TBC1D4: variants seen among roughly 807,000 people sequenced by gnomAD.
The protein encoded by TBC1D4 is TBC1 domain family member 4, also known as TBC (Tre-2, BUB2, CDC16) domain-containing protein.
Under a neutral mutation model 142.5 loss-of-function variants are expected in TBC1D4, and 121 were observed. That is an observed-to-expected ratio of 0.85 (90% CI 0.73 to 0.99). The LOEUF is 0.99. Among genes scored for constraint, TBC1D4 ranks in the 50% least tolerant of loss-of-function variants. TBC1D4 has a pLI of 0.00. For missense variants in TBC1D4, 1,475 were observed against 1,606.6 expected, an observed-to-expected ratio of 0.92 and a Z score of 1.40; for synonymous variants, 630 against 628.2, an observed-to-expected ratio of 1.00 and a Z score of -0.04.
At chr13:75,319,544 A>G (rs576832870) in intron 12 of TBC1D4, among the ~76,000 whole-genome samples, 4 of 152,244 alleles carry the variant, frequency 2.6e-5, no homozygotes, top group Admixed American at 6.5e-5. Flanking sequence ...AAAGTGACCA[A>G]CGTGACAGGA....
Position 75,482,152 on chromosome 13 carries a change from T to G in TBC1D4, c.-385A>C. 1 of 168,622 alleles carries G rather than the reference T, an allele frequency of 5.9e-6. No individual in the cohort carries two copies. The highest frequency in any genetic ancestry group is 1.2e-5 in the Non-Finnish European group (1 of 80,322). The allele number at this position is 168,622 out of a possible 1,614,324, so 10.4% of individuals were successfully genotyped here. A position where few individuals can be genotyped will look rare whatever the true frequency, so the allele number is the denominator to read the frequency against. ...TGCAGCCCCGCTGCGGCCGCCGCGC[T>G]CGCCTGGGGCAGACACTGGGTGGCT... On this transcript the variant is annotated 5_prime_UTR_variant, in exon 1 of 21. Transcript: ENST00000377636.
rs969900016 is a variant in TBC1D4, at chr13:75,324,119, C to T, written c.2198+118G>A. 2.5e-6 allele frequency: 3 copies of T among 1,189,676 alleles called. No individual in the cohort carries two copies. The South Asian group carries it at 3.9e-5, about 15-fold the overall frequency. 73.7% of individuals were successfully genotyped at this position (1,189,676 alleles called of 1,614,324 possible). A position where few individuals can be genotyped will look rare whatever the true frequency, so the allele number is the denominator to read the frequency against. On this transcript the variant is annotated intron_variant, in intron 11 of 20. Coordinates refer to ENST00000377636, the MANE Select transcript of TBC1D4 (RefSeq NM_014832.5). ...CCAATATATTAGAAACAGATTAGAACAAGCACAACACAGGGATGCATAAAT... is the reference window on the plus strand; with the variant it reads ...CCAATATATTAGAAACAGATTAGAATAAGCACAACACAGGGATGCATAAAT...
chr13:75,390,146 G>C (rs563053317), intron 1 of TBC1D4, among the ~76,000 whole-genome samples: 2 of 151,854 alleles, frequency 1.3e-5, no homozygotes, highest in Admixed American at 1.3e-4. Context: ...TGGGCCTGGC[G>C]GCGGGCGCCT....
At chr13:75,461,978 A>G (rs947519787) in intron 1 of TBC1D4, among the ~76,000 whole-genome samples, 3 of 152,184 alleles carry the variant, frequency 2.0e-5, no homozygotes, top group Non-Finnish European at 4.4e-5. Flanking sequence ...TCTTATTCCC[A>G]GTTGTCAACC....
At chr13:75,426,446 T>C (rs1348938488) in intron 1 of TBC1D4, among the ~76,000 whole-genome samples, 1 of 152,244 alleles carries the variant, frequency 6.6e-6, no homozygotes, top group Admixed American at 6.5e-5. Flanking sequence ...TCAACCCTAT[T>C]TGTTATTGGC....
intron 1 of TBC1D4, among the ~76,000 whole-genome samples, chr13:75,366,082 T>C (rs1466517987): frequency 6.6e-6 from 1 of 152,198 alleles, no homozygotes; most frequent in Non-Finnish European, 1.5e-5. Context: ...CCTAGCTACA[T>C]ATTGTAGCTA....
At chr13:75,399,183 A>G (rs1404675198) in intron 1 of TBC1D4, among the ~76,000 whole-genome samples, 1 of 152,000 alleles carries the variant, frequency 6.6e-6, no homozygotes, top group African/African-American at 2.4e-5. Flanking sequence ...AGGCCTCCAA[A>G]CCCCCAAACT....
chr13:75,399,098 T>C (rs532079623), intron 1 of TBC1D4, among the ~76,000 whole-genome samples: 312 of 152,220 alleles, frequency 2.0e-3, no homozygotes, highest in African/African-American at 7.3e-3. Context: ...TCCCAGCACT[T>C]TGGGAGGCCG....
At chr13:75,341,100 G>T in intron 7 of TBC1D4, 25 bp downstream of exon 7, 1 of 1,572,352 alleles carries the variant, frequency 6.4e-7, no homozygotes, top group African/African-American at 1.4e-5. Context: ...AACAAAAGTA[G>T]GTGAAGTAGG....
chr13:75,402,884 G>A (rs1885167990), intron 1 of TBC1D4, among the ~76,000 whole-genome samples: 1 of 152,092 alleles, frequency 6.6e-6, no homozygotes, highest in Non-Finnish European at 1.5e-5. Context: ...AGCTCACAAG[G>A]AGATTAAGTT....
chr13:75,468,735 T>C (rs2138314420), intron 1 of TBC1D4, among the ~76,000 whole-genome samples: 1 of 152,286 alleles, frequency 6.6e-6, no homozygotes, highest in East Asian at 1.9e-4. Context: ...AAAACAAACA[T>C]ACATCTTTGC....
At chr13:75,379,780 T>A (rs1220178918) in intron 1 of TBC1D4, among the ~76,000 whole-genome samples, 2 of 151,808 alleles carry the variant, frequency 1.3e-5, no homozygotes, top group Non-Finnish European at 2.9e-5. Context: ...AAACTCCCAG[T>A]TTTAGTTGAT....
At chr13:75,434,152 A>G (rs1886695729) in intron 1 of TBC1D4, among the ~76,000 whole-genome samples, 1 of 152,172 alleles carries the variant, frequency 6.6e-6, no homozygotes, top group Non-Finnish European at 1.5e-5. Context: ...CAGCAATCCC[A>G]CTACTGGGTA....
intron 1 of TBC1D4, among the ~76,000 whole-genome samples, chr13:75,382,515 T>C (rs1375724246): frequency 1.3e-5 from 2 of 152,234 alleles, no homozygotes; most frequent in Admixed American, 6.5e-5. Context: ...TGGGTGGAGA[T>C]GAATTTAATA....
At chr13:75,308,391 C>G (rs554061210) in intron 14 of TBC1D4, among the ~76,000 whole-genome samples, 4 of 152,266 alleles carry the variant, frequency 2.6e-5, no homozygotes, top group African/African-American at 9.6e-5. Context: ...CCGAGAACCA[C>G]GATGAATAAA....
At position 75,366,358 on chromosome 13, in the gene TBC1D4, A is replaced by G. The variant is rs116283378; in HGVS notation, c.499-3751T>C. ...CAAAGTGAATGGGGGAACTTGATAG[A>G]TGGTTGATAAGGTCTCATCGAGATC... On this transcript the variant is annotated intron_variant, in intron 1 of 20. Coordinates refer to ENST00000377636, the MANE Select transcript of TBC1D4 (RefSeq NM_014832.5). Among the ~76,000 whole-genome samples the G allele has an allele frequency of 7.2e-3, 1,087 of 151,952 alleles. 12 individuals are homozygous for G. The highest frequency in any genetic ancestry group is 0.021 in the Middle Eastern group (6 of 292).
intron 1 of TBC1D4, among the ~76,000 whole-genome samples, chr13:75,388,313 T>C (rs2138287967): frequency 6.6e-6 from 1 of 152,312 alleles, no homozygotes; most frequent in African/African-American, 2.4e-5. Context: ...AAGCACATAT[T>C]TAAGGGGCCA....
intron 1 of TBC1D4, among the ~76,000 whole-genome samples, chr13:75,372,081 G>A (rs1420050552): frequency 6.6e-6 from 1 of 151,966 alleles, no homozygotes; most frequent in Non-Finnish European, 1.5e-5. Context: ...GAAAGTTAAT[G>A]TTCCATTTTC....
chr13:75,326,462 T>TG (rs771704050), intron 9 of TBC1D4, 39 bp from the exon 10 acceptor site: 21 of 1,608,042 alleles, frequency 1.3e-5, no homozygotes, highest in Non-Finnish European at 1.8e-5. Context: ...ATTTCCCACG[T>TG]GGGTCATGGC....
Sources: allele counts gnomAD v4.1 joint callset (sites outside exome capture counted in the v4.1 genomes callset), GRCh38; gene constraint gnomAD v4.1.1; transcripts MANE v1.5; gene names NCBI Gene and HGNC (gene_info 2026-07-23, HGNC 2026-07-21).